Variants in KANSL1L observed in about 807,000 individuals in gnomAD.
KANSL1L encodes KAT8 regulatory NSL complex subunit 1 like, also known as KAT8 regulatory NSL complex subunit 1-like protein.
Under a neutral mutation model 108.6 loss-of-function variants are expected in KANSL1L, and 25 were observed. The ratio of observed to expected loss-of-function variants is 0.23; its 90% CI spans 0.17 to 0.32. The LOEUF (loss-of-function observed/expected upper bound fraction) is 0.32, where lower values mean the gene tolerates loss of function less well. KANSL1L is among the 10% of genes least tolerant of loss of function. The probability of loss-of-function intolerance (pLI) is 1.00; values close to 1 mark genes in which losing one functional copy is unlikely to be tolerated. For synonymous variants in KANSL1L, 405 were observed against 395.1 expected (o/e 1.03, Z -0.30); for missense variants, 1,137 against 1,125.7 (o/e 1.01, Z -0.14).
chr2:210,135,918 T>A (rs982520332), intron 2 of KANSL1L, among the ~76,000 whole-genome samples: 2 of 152,252 alleles, frequency 1.3e-5, no homozygotes, highest in African/African-American at 4.8e-5. Context: ...ACTTACATAC[T>A]CTATCATCAA....
chr2:210,086,053 G>T (rs2094634493), intron 5 of KANSL1L, among the ~76,000 whole-genome samples: 1 of 151,632 alleles, frequency 6.6e-6, no homozygotes, highest in African/African-American at 2.4e-5. Context: ...AATATTGAGG[G>T]TAAAAAATTT....
chr2:210,027,457 T>C lies in KANSL1L; in HGVS notation c.2397-107A>G, dbSNP rs561091802. 25 of 698,936 alleles carry C rather than the reference T, an allele frequency of 3.6e-5. No homozygotes were observed. The African/African-American group carries it at 4.1e-4, about 12-fold the overall frequency. 43.3% of individuals were successfully genotyped at this position (698,936 alleles called of 1,614,324 possible). A position where few individuals can be genotyped will look rare whatever the true frequency, so the allele number is the denominator to read the frequency against. On this transcript the variant is annotated intron_variant, in intron 11 of 14. Transcript: ENST00000281772. ...TAGTGTTTCCTTGGCACTTCCATGGTTCAAATTGTTGTATTTTAATACTTA... is the reference window on the plus strand; with the variant it reads ...TAGTGTTTCCTTGGCACTTCCATGGCTCAAATTGTTGTATTTTAATACTTA...
intron 6 of KANSL1L, among the ~76,000 whole-genome samples, chr2:210,056,565 C>G (rs2094353272): frequency 6.6e-6 from 1 of 152,142 alleles, no homozygotes; most frequent in Non-Finnish European, 1.5e-5. Flanking sequence ...ACTGCAGCCT[C>G]TGCCTCCCTG....
intron 3 of KANSL1L, among the ~76,000 whole-genome samples, chr2:210,123,744 T>C (rs1288622149): frequency 6.6e-6 from 1 of 152,070 alleles, no homozygotes; most frequent in African/African-American, 2.4e-5. Flanking sequence ...CCTGATCTGA[T>C]TATTATGCAT....
At chr2:210,162,222 GTA>G (rs71043976) in intron 1 of KANSL1L, among the ~76,000 whole-genome samples, 6,165 of 107,484 alleles carry the variant, frequency 0.057, 568 homozygotes, top group African/African-American at 0.2. Context: ...AGTGGTTCAG[GTA>G]TATATATATA....
chr2:210,103,438 G>A (rs1368841450), intron 4 of KANSL1L, among the ~76,000 whole-genome samples: 1 of 152,040 alleles, frequency 6.6e-6, no homozygotes, highest in African/African-American at 2.4e-5. Context: ...CCTGCACGTT[G>A]TGCACATGTA....
chr2:210,055,918 G>A (rs2094345060), intron 6 of KANSL1L, among the ~76,000 whole-genome samples: 1 of 152,238 alleles, frequency 6.6e-6, no homozygotes. Flanking sequence ...TAAGTAACAA[G>A]GAGCAGAATG....
intron 3 of KANSL1L, among the ~76,000 whole-genome samples, chr2:210,114,309 TAAC>T (rs947593483): frequency 2.6e-5 from 4 of 151,424 alleles, no homozygotes; most frequent in South Asian, 2.1e-4. Context: ...CAAGACAAAA[TAAC>T]AACAACAACA....
chr2:210,156,517 C>A, intron 1 of KANSL1L, among the ~76,000 whole-genome samples: 1 of 151,750 alleles, frequency 6.6e-6, no homozygotes, highest in East Asian at 1.9e-4. Context: ...TACAGAAAGA[C>A]CTTAAAAACA....
chr2:210,056,074 G>C (rs1338438877), intron 6 of KANSL1L, among the ~76,000 whole-genome samples: 1 of 152,250 alleles, frequency 6.6e-6, no homozygotes, highest in African/African-American at 2.4e-5. Context: ...GCAGCCTTGG[G>C]GTGTGGTGCC....
At position 210,055,024 on chromosome 2, in the gene KANSL1L, C is replaced by A. The variant is rs552052325; in HGVS notation, c.1756-10920G>T. Among the ~76,000 whole-genome samples, 4 of 152,124 alleles carry A rather than the reference C, an allele frequency of 2.6e-5. No individual in the cohort carries two copies. The South Asian group carries it at 8.3e-4, about 32-fold the overall frequency. Reference sequence around the variant, plus strand: ...GTGATACGGTTTGGCTGTGTCCCCACCCAGATCTCATCTTGAATTGTAGTT... The same window carrying A: ...GTGATACGGTTTGGCTGTGTCCCCAACCAGATCTCATCTTGAATTGTAGTT... On this transcript the variant is annotated intron_variant, in intron 6 of 14. Transcript: ENST00000281772.
chr2:210,085,753 A>G (rs1024095346), intron 5 of KANSL1L, among the ~76,000 whole-genome samples: 1 of 151,594 alleles, frequency 6.6e-6, no homozygotes, highest in Non-Finnish European at 1.5e-5. Flanking sequence ...TTTCCATATG[A>G]TTATATATTT....
chr2:210,027,501 A>G (rs1038228803), intron 11 of KANSL1L, 151 bp from the exon 12 acceptor site: 8 of 606,098 alleles, frequency 1.3e-5, no homozygotes, highest in Non-Finnish European at 2.4e-5. Context: ...AAAGAAAAAC[A>G]TTTGTATTAT....
At chr2:210,158,858 T>G (rs1451167298) in intron 1 of KANSL1L, among the ~76,000 whole-genome samples, 1 of 152,222 alleles carries the variant, frequency 6.6e-6, no homozygotes, top group African/African-American at 2.4e-5. Context: ...ATTATTTAAA[T>G]TATCTAGATA....
chr2:210,026,624 C>T (rs1421736472), intron 12 of KANSL1L, among the ~76,000 whole-genome samples: 2 of 152,046 alleles, frequency 1.3e-5, no homozygotes, highest in African/African-American at 2.4e-5. Context: ...GCAAATTGGT[C>T]CTAAGATTCT....
intron 2 of KANSL1L, among the ~76,000 whole-genome samples, chr2:210,151,026 C>A (rs2095299498): frequency 6.6e-6 from 1 of 151,824 alleles, no homozygotes; most frequent in South Asian, 2.1e-4. Flanking sequence ...AATTTTCTTC[C>A]TTTTTTTGAT....
intron 9 of KANSL1L, 57 bp from the exon 10 acceptor site, chr2:210,029,975 A>C: frequency 1.4e-5 from 11 of 774,662 alleles, no homozygotes; most frequent in Non-Finnish European, 2.3e-5. Flanking sequence ...TATCATTAGA[A>C]TTACTTTCCT....
At chr2:210,134,243 A>AT (rs1476167589) in intron 2 of KANSL1L, among the ~76,000 whole-genome samples, 5 of 152,092 alleles carry the variant, frequency 3.3e-5, no homozygotes, top group African/African-American at 1.2e-4. Context: ...ATGGTTCTTT[A>AT]TATGTTCAAT....
intron 4 of KANSL1L, among the ~76,000 whole-genome samples, chr2:210,103,230 C>T (rs1329566570): frequency 6.6e-6 from 1 of 151,792 alleles, no homozygotes; most frequent in Non-Finnish European, 1.5e-5. Context: ...AAAAACCAAA[C>T]ACCGCATATT....
Sources: allele counts gnomAD v4.1 joint callset (sites outside exome capture counted in the v4.1 genomes callset), GRCh38; gene constraint gnomAD v4.1.1; transcripts MANE v1.5; gene names NCBI Gene and HGNC (gene_info 2026-07-23, HGNC 2026-07-21).